The following MXRA7 variants were observed in gnomAD, a reference collection of about 807,000 sequenced individuals.
The protein encoded by MXRA7 is matrix-remodeling-associated protein 7.
In MXRA7, 18 loss-of-function variants were observed where a neutral mutation model predicts 17.4. The observed-to-expected ratio is 1.03, with a 90% CI of 0.71 to 1.53. MXRA7 has a LOEUF of 1.53. Among genes scored for constraint, MXRA7 ranks in the 40% most tolerant of loss-of-function variants. The pLI is 0.00. For synonymous variants in MXRA7, 70 were observed against 101.7 expected, an observed-to-expected ratio of 0.69 and a Z score of 1.87; for missense variants, 141 against 209.3, an observed-to-expected ratio of 0.67 and a Z score of 2.01.
chr17:76,710,200 G>A (rs1019310794), intron 1 of MXRA7, among the ~76,000 whole-genome samples: 1 of 152,152 alleles, frequency 6.6e-6, no homozygotes, highest in Non-Finnish European at 1.5e-5. Flanking sequence ...TCTCATGGCA[G>A]GCCTGGAAAT....
rs768326746 is a variant in MXRA7, at chr17:76,688,180, C to T, written c.343-4G>A. 2 of 1,614,148 alleles carry T rather than the reference C, an allele frequency of 1.2e-6. No individual in the cohort carries two copies. The highest frequency in any genetic ancestry group is 1.1e-5 in the South Asian group (1 of 91,072). On this transcript the variant is annotated splice_region_variant and splice_polypyrimidine_tract_variant and intron_variant, in intron 1 of 3. Transcript: ENST00000449428. ...CATCCAAGTCCTGCTCCTCTTCCTG[C>T]AAGACAAGGACAGGGTCAGTGCCCT... is the stretch of plus-strand genomic sequence containing the variant.
intron 2 of MXRA7, among the ~76,000 whole-genome samples, 193 bp downstream of exon 2, chr17:76,687,920 T>A (rs1195958638): frequency 6.6e-6 from 1 of 151,588 alleles, no homozygotes; most frequent in Non-Finnish European, 1.5e-5. Context: ...GCAATGGGGG[T>A]GAGGGAGGGC....
rs575619226 is a variant in MXRA7 at position 76,694,935 on chromosome 17, A to C, written c.343-6759T>G. Among the ~76,000 whole-genome samples the C allele has an allele frequency of 3.9e-5, 6 of 152,202 alleles. No homozygotes were observed. In the East Asian group the frequency reaches 1.2e-3, roughly 29 times the overall value. ...CACTTTGGGAGGCTGAGGTGGGTGG[A>C]TCACCTGAGGTCAGCAGTTCGAGAC... On this transcript the variant is annotated intron_variant, in intron 1 of 3. Transcript: ENST00000449428.
In MXRA7 at chr17:76,688,498, C is replaced by T. The variant is rs1226552464; in HGVS notation, c.343-322G>A. ...TGGAGAAGTGGGCCCAGGACTCCCA[C>T]TGCGACGCTGCGGCCAGCAGACAAA... On this transcript the variant is annotated intron_variant, in intron 1 of 3. Transcript: ENST00000449428. 7.3e-5 allele frequency: 96 copies of T among 1,318,510 alleles called. 1 individual carries two copies. The East Asian group carries it at 2.7e-3, about 37-fold the overall frequency. 81.7% of individuals were successfully genotyped at this position (1,318,510 alleles called of 1,614,324 possible). A position where few individuals can be genotyped will look rare whatever the true frequency, so the allele number is the denominator to read the frequency against.
rs1473358061 is a variant in MXRA7, at chr17:76,681,547, G to GCCT, written c.501-671_501-669dup. Among the ~76,000 whole-genome samples the GCCT allele has an allele frequency of 2.6e-5, 4 of 152,098 alleles. No individual in the cohort carries two copies. The highest frequency in any genetic ancestry group is 9.7e-5 in the African/African-American group (4 of 41,418). On this transcript the variant is annotated intron_variant, in intron 3 of 3. Transcript: ENST00000449428. This position sits in a 1 kb window ranked among gnomAD's most constrained non-coding sequence, Gnocchi z 4.7. ...ACTACCCCACAGCTGGGGTTCCTTG[G>GCCT]CCTCCTCCTCCCCTTCCCTGTTTTA...
chr17:76,691,161 C>T (rs947876807), intron 1 of MXRA7, among the ~76,000 whole-genome samples: 3 of 152,176 alleles, frequency 2.0e-5, no homozygotes, highest in Non-Finnish European at 4.4e-5. Context: ...GAATCGATGA[C>T]GCCTATGTGA....
Position 76,710,783 on chromosome 17 carries a change from G to GACGGGGCC in MXRA7, c.163_164insGGCCCCGT (p.Ala55GlyfsTer97). 1 of 991,098 alleles carries GACGGGGCC rather than the reference G, an allele frequency of 1.0e-6. No homozygotes were observed. Among genetic ancestry groups the GACGGGGCC allele is most frequent in the Non-Finnish European group, 1.2e-6 (1 of 818,204 alleles). 61.4% of individuals were successfully genotyped at this position (991,098 alleles called of 1,614,324 possible). ...CTCGGGGGCGCAGGGGCGGGACGGC[G>GACGGGGCC]CCGGGGCCCCGGTGGCCTCGGCCGG... is the stretch of plus-strand genomic sequence containing the variant. On this transcript the variant is annotated frameshift_variant, in exon 1 of 4. Coordinates refer to ENST00000449428, the MANE Select transcript of MXRA7 (RefSeq NM_198530.4). LOFTEE classifies it high-confidence loss of function.
In MXRA7 at chr17:76,680,663, C is replaced by T; in HGVS notation, c.*204G>A. 7 of 1,416,806 alleles carry T rather than the reference C, an allele frequency of 4.9e-6. No homozygotes were observed. The highest frequency in any genetic ancestry group is 6.5e-6 in the Non-Finnish European group (7 of 1,082,796). The allele number at this position is 1,416,806 out of a possible 1,614,324, so 87.8% of individuals were successfully genotyped here. On this transcript the variant is annotated 3_prime_UTR_variant, in exon 4 of 4. Transcript: ENST00000449428. ...ACAGGAACAGACATGAACATCTCTA[C>T]ACAGGGCAGGGCCAAAGGTGTTCCC... is the stretch of plus-strand genomic sequence containing the variant.
chr17:76,680,949 A>G, intron 3 of MXRA7, 70 bp from the exon 4 acceptor site: 10 of 1,279,740 alleles, frequency 7.8e-6, no homozygotes, highest in Non-Finnish European at 1.1e-5. Context: ...GGGCAAGGAA[A>G]GGGGGAAATG....
chr17:76,678,689 G>A (rs78564456), downstream of MXRA7, among the ~76,000 whole-genome samples: 774 of 152,286 alleles, frequency 5.1e-3, 6 homozygotes, highest in African/African-American at 0.018. Flanking sequence ...CTGTAAGCAC[G>A]TTACAGGCTC....
intron 1 of MXRA7, among the ~76,000 whole-genome samples, chr17:76,706,218 A>G (rs62085150): frequency 0.21 from 7,064 of 34,408 alleles, 820 homozygotes; most frequent in Middle Eastern, 0.29. Flanking sequence ...TGCCATCACA[A>G]AGGCCCACTC....
intron 1 of MXRA7, among the ~76,000 whole-genome samples, chr17:76,704,374 T>A (rs113633275): frequency 6.7e-6 from 1 of 149,486 alleles, no homozygotes; most frequent in Non-Finnish European, 1.5e-5. Context: ...CCCGGCTAAT[T>A]TTTTGTATTT....
intron 1 of MXRA7, chr17:76,709,400 C>T (rs1296433277): frequency 6.6e-6 from 1 of 152,288 alleles, no homozygotes; most frequent in Non-Finnish European, 1.5e-5. Flanking sequence ...CCTGCTCCAC[C>T]CCATTAAATG....
intron 2 of MXRA7, among the ~76,000 whole-genome samples, chr17:76,686,753 CG>C (rs755547071): frequency 1.3e-5 from 2 of 152,126 alleles, no homozygotes; most frequent in Admixed American, 6.5e-5. Flanking sequence ...GTCATTTTAG[CG>C]ACACTAATAA....
At chr17:76,678,762 TG>T (rs2076261615), downstream of MXRA7, among the ~76,000 whole-genome samples, 1 of 152,022 alleles carries the variant, frequency 6.6e-6, no homozygotes, top group African/African-American at 2.4e-5. Flanking sequence ...CCTGGAGGGG[TG>T]GTCTCCACGT....
chr17:76,677,813 C>T (rs879688065), downstream of MXRA7: 11 of 714,500 alleles, frequency 1.5e-5, no homozygotes, highest in East Asian at 2.5e-5. Context: ...TGTGTGACTG[C>T]GGTTGCTTTT....
At chr17:76,673,649 C>T (rs776254004) in exon 4 of MXRA7, 5 of 151,742 alleles carry the variant, frequency 3.3e-5, no homozygotes, top group African/African-American at 4.8e-5. Flanking sequence ...ATAAAACAAT[C>T]TCAGAGTGAT....
At chr17:76,707,291 C>CTTTTTTTTTTTTTTTT (rs56067261) in intron 1 of MXRA7, among the ~76,000 whole-genome samples, 3 of 96,128 alleles carry the variant, frequency 3.1e-5, no homozygotes, top group African/African-American at 1.4e-4. Context: ...AGTCCCTACT[C>CTTTTTTTTTTTTTTTT]TTTTTTTTTT....
intron 1 of MXRA7, among the ~76,000 whole-genome samples, chr17:76,704,831 C>T (rs559767581): frequency 1.3e-5 from 2 of 151,942 alleles, no homozygotes; most frequent in South Asian, 4.2e-4. Flanking sequence ...GCATGAGGTC[C>T]CCTTAGAGAA....
Sources: gnomAD v4.1 joint callset for allele counts (sites outside exome capture counted in the v4.1 genomes callset) on GRCh38, gnomAD v4.1.1 for gene constraint, Gnocchi (gnomAD v3.1) non-coding constraint, MANE v1.5 for transcripts, NCBI Gene and HGNC (gene_info 2026-07-23, HGNC 2026-07-21) for gene names.